Variants in ENTPD4 observed in about 807,000 individuals in gnomAD.
ENTPD4 encodes the protein Golgi UDPase.
In ENTPD4, 60 loss-of-function variants were observed where a neutral mutation model predicts 79.1. The observed-to-expected ratio is 0.76, with a 90% CI of 0.62 to 0.94. ENTPD4 has a LOEUF of 0.94. Among genes scored for constraint, ENTPD4 ranks in the 40% least tolerant of loss-of-function variants. ENTPD4 has a pLI of 0.00. For synonymous variants in ENTPD4, 276 were observed against 292.0 expected, an observed-to-expected ratio of 0.95 and a Z score of 0.56; for missense variants, 772 against 775.1, an observed-to-expected ratio of 1.00 and a Z score of 0.05.
chr8:23,434,620 G>A (rs1203923880), intron 11 of ENTPD4, 142 bp from the exon 12 acceptor site: 23 of 1,467,058 alleles, frequency 1.6e-5, no homozygotes, highest in East Asian at 5.0e-5. Context: ...AACCAACTGC[G>A]CGCGTTTCAA....
chr8:23,437,311 AG>A, intron 9 of ENTPD4, 53 bp from the exon 10 acceptor site: 1 of 1,396,416 alleles, frequency 7.2e-7, no homozygotes, highest in Non-Finnish European at 9.8e-7. Context: ...CTGTGTTTTC[AG>A]GAAGTGGCTG....
chr8:23,434,185 C>T, intron 12 of ENTPD4, 132 bp downstream of exon 12: 2 of 1,226,754 alleles, frequency 1.6e-6, no homozygotes, highest in Non-Finnish European at 2.3e-6. Context: ...GCAAACGTCA[C>T]TGTCCCTACA....
rs3115066 is a variant in ENTPD4, at chr8:23,431,625, G to A, written c.*1301C>T. 7.1e-6 allele frequency: 7 copies of A among 985,446 alleles called. No individual in the cohort carries two copies. Among genetic ancestry groups the A allele is most frequent in the Non-Finnish European group, 8.4e-6 (7 of 829,932 alleles). 61.0% of individuals were successfully genotyped at this position (985,446 alleles called of 1,614,324 possible). A position where few individuals can be genotyped will look rare whatever the true frequency, so the allele number is the denominator to read the frequency against. Reference sequence around the variant, plus strand: ...CAGCCTCAGTCAATGCGGTTAGGAAGAGGACTCGGCAGGCTGTGCATGGGG... The same window carrying A: ...CAGCCTCAGTCAATGCGGTTAGGAAAAGGACTCGGCAGGCTGTGCATGGGG... On this transcript the variant is annotated 3_prime_UTR_variant, in exon 13 of 13. Transcript: ENST00000358689.
chr8:23,429,506 C>A lies in ENTPD4; in HGVS notation c.*3420G>T, dbSNP rs1047871615. ...GTTTTGTTGCATTGCACACAACTGACCGCAGAGAATTCTAAAGCTGATTTT... is the reference window on the plus strand; with the variant it reads ...GTTTTGTTGCATTGCACACAACTGAACGCAGAGAATTCTAAAGCTGATTTT... On this transcript the variant is annotated 3_prime_UTR_variant, in exon 13 of 13. Coordinates refer to ENST00000358689, the MANE Select transcript of ENTPD4 (RefSeq NM_004901.5). 5.1e-6 allele frequency: 5 copies of A among 985,294 alleles called. No homozygotes were observed. Among genetic ancestry groups the A allele is most frequent in the African/African-American group, 3.5e-5 (2 of 57,242 alleles). 61.0% of individuals were successfully genotyped at this position (985,294 alleles called of 1,614,324 possible). A position where few individuals can be genotyped will look rare whatever the true frequency, so the allele number is the denominator to read the frequency against.
chr8:23,448,069 G>T (rs756739874), intron 3 of ENTPD4, among the ~76,000 whole-genome samples, 184 bp from the exon 4 acceptor site: 1 of 152,146 alleles, frequency 6.6e-6, no homozygotes, highest in African/African-American at 2.4e-5. Context: ...TGATGATAAA[G>T]ATCATCTAAA....
At chr8:23,442,587 G>A (rs1420545951) in intron 6 of ENTPD4, among the ~76,000 whole-genome samples, 1 of 152,036 alleles carries the variant, frequency 6.6e-6, no homozygotes, top group Admixed American at 6.5e-5. Context: ...GGAAGCTGAG[G>A]CAGGAGAATC....
intron 11 of ENTPD4, 123 bp downstream of exon 11, chr8:23,435,269 G>C: frequency 1.5e-6 from 1 of 663,250 alleles, no homozygotes; most frequent in African/African-American, 1.8e-5. Context: ...AGGGGCCCAG[G>C]GTAGATGGGA....
At chr8:23,450,134 C>T (rs1231435472) in intron 1 of ENTPD4, 137 bp from the exon 2 acceptor site, 2 of 575,738 alleles carry the variant, frequency 3.5e-6, no homozygotes, top group East Asian at 5.8e-5. Context: ...AGGGTTTATT[C>T]TGAGCAACAC....
Position 23,429,698 on chromosome 8 carries a change from A to G in ENTPD4, c.*3228T>C. 5 of 985,442 alleles carry G rather than the reference A, an allele frequency of 5.1e-6. No individual in the cohort carries two copies. The highest frequency in any genetic ancestry group is 6.0e-6 in the Non-Finnish European group (5 of 829,926). 61.0% of individuals were successfully genotyped at this position (985,442 alleles called of 1,614,324 possible). On this transcript the variant is annotated 3_prime_UTR_variant, in exon 13 of 13. Transcript: ENST00000358689. ...CACAGATGTGGAAAACTGGTGGTGA[A>G]AAGAGGGACCTACCCAGCCTTCAGG...
chr8:23,457,495 C>A (rs1378890556), intron 1 of ENTPD4, 62 bp downstream of exon 1: 1 of 151,136 alleles, frequency 6.6e-6, no homozygotes, highest in South Asian at 2.1e-4. Context: ...GCACTCCAAC[C>A]CACTCGCCGG....
chr8:23,431,790 G>T lies in ENTPD4; in HGVS notation c.*1136C>A, dbSNP rs777815617. 4.1e-6 allele frequency: 4 copies of T among 985,320 alleles called. No individual in the cohort carries two copies. Among genetic ancestry groups the T allele is most frequent in the Non-Finnish European group, 4.8e-6 (4 of 829,940 alleles). 61.0% of individuals were successfully genotyped at this position (985,320 alleles called of 1,614,324 possible). On this transcript the variant is annotated 3_prime_UTR_variant, in exon 13 of 13. Coordinates refer to ENST00000358689, the MANE Select transcript of ENTPD4 (RefSeq NM_004901.5). The stretch of plus-strand genomic sequence containing the variant: ...GAGCAAGAAGTGGGCATGTGCTCTA[G>T]TTCCAATAAAACCGAAACTGGTGAA...
At chr8:23,434,681 C>G in intron 11 of ENTPD4, 1 of 1,413,008 alleles carries the variant, frequency 7.1e-7, no homozygotes, top group Non-Finnish European at 9.2e-7. Context: ...GAGCAGTTCA[C>G]CTGTCAAATC....
Position 23,430,114 on chromosome 8 carries a change from A to G in ENTPD4, c.*2812T>C, listed in dbSNP as rs1251134386. On this transcript the variant is annotated 3_prime_UTR_variant, in exon 13 of 13. Coordinates refer to ENST00000358689, the MANE Select transcript of ENTPD4 (RefSeq NM_004901.5). ...CTCTTGGTATGAATTCTTCTCTTGA[A>G]TTAAGATCCTCCCTGGCTTGTCTCT... is the stretch of plus-strand genomic sequence containing the variant. 1.0e-5 allele frequency: 10 copies of G among 985,454 alleles called. No homozygotes were observed. In the South Asian group the frequency reaches 3.3e-4, roughly 32 times the overall value. 61.0% of individuals were successfully genotyped at this position (985,454 alleles called of 1,614,324 possible).
chr8:23,447,429 CAT>C (rs1250004213), intron 4 of ENTPD4, among the ~76,000 whole-genome samples: 2 of 152,100 alleles, frequency 1.3e-5, no homozygotes, highest in African/African-American at 4.8e-5. Context: ...GCGTAGATAC[CAT>C]GAGTAAGGCA....
rs577598134 is a variant in ENTPD4 at position 23,441,735 on chromosome 8, A to T, written c.728-12T>A. The T allele has an allele frequency of 6.2e-7, 1 of 1,613,462 alleles. No individual in the cohort carries two copies. The highest frequency in any genetic ancestry group is 8.5e-7 in the Non-Finnish European group (1 of 1,179,806). ...AACGGCCTCATCATCTAGAAAGAAC[A>T]GAAAGTGTTCACTGGAACAGAACTA... On this transcript the variant is annotated splice_polypyrimidine_tract_variant and intron_variant, in intron 7 of 12. Transcript: ENST00000358689.
At position 23,437,176 on chromosome 8, in the gene ENTPD4, G is replaced by A; in HGVS notation, c.1132C>T (p.Gln378Ter). The A allele has an allele frequency of 2.5e-6, 4 of 1,614,154 alleles. No individual in the cohort carries two copies. The highest frequency in any genetic ancestry group is 3.4e-6 in the Non-Finnish European group (4 of 1,179,996). The change falls in exon 10 of 13, where the codon CAG becomes TAG. Residue 378 changes from glutamine to a stop codon, truncating the protein, a stop_gained. Transcript: ENST00000358689. LOFTEE classifies it high-confidence loss of function. ...CLPLDIKDEI[Q>*]QNGQTIYLRG... is the part of the protein sequence containing the mutation. Reference sequence around the variant, plus strand: ...AGGTATATGGTTTGTCCATTTTGCTGGATTTCATCTTTAATGTCTAGGGGT... The same window carrying A: ...AGGTATATGGTTTGTCCATTTTGCTAGATTTCATCTTTAATGTCTAGGGGT...
chr8:23,439,344 C>T (rs1218697090), intron 9 of ENTPD4, among the ~76,000 whole-genome samples: 1 of 152,212 alleles, frequency 6.6e-6, no homozygotes, highest in African/African-American at 2.4e-5. Context: ...CAGAACATCA[C>T]ATATTTCAAT....
At position 23,434,315 on chromosome 8, in the gene ENTPD4, A is replaced by G. The variant is rs767256674; in HGVS notation, c.1622+2T>C. ...TTCTCGTTCCCAAATTCACAGCCCTACCTTAATGGTAGAAAGCGGGTCCTG... is the reference window on the plus strand; with the variant it reads ...TTCTCGTTCCCAAATTCACAGCCCTGCCTTAATGGTAGAAAGCGGGTCCTG... On this transcript the variant is annotated splice_donor_variant, in intron 12 of 12. Coordinates refer to ENST00000358689, the MANE Select transcript of ENTPD4 (RefSeq NM_004901.5). LOFTEE classifies it high-confidence loss of function. 14 of 1,613,716 alleles carry G rather than the reference A, an allele frequency of 8.7e-6. No individual in the cohort carries two copies. Among genetic ancestry groups the G allele is most frequent in the Admixed American group, 3.3e-5 (2 of 59,956 alleles).
Position 23,448,813 on chromosome 8 carries a change from T to A in ENTPD4, c.135A>T (p.Ser45=), listed in dbSNP as rs752501290. Residue 45 remains serine (S), a synonymous_variant, in exon 3 of 13, where the codon TCA becomes TCT. Transcript: ENST00000358689. ...TTATGACAACAGAAAAATATAAAAGTGAAACAGCAGCAGCCAGGACACTAA... is the reference window on the plus strand; with the variant it reads ...TTATGACAACAGAAAAATATAAAAGAGAAACAGCAGCAGCCAGGACACTAA... ...MVISVLAAAV[S]LLYFSVVIIR... 6.2e-7 allele frequency: 1 copy of A among 1,613,964 alleles called. No homozygotes were observed. The highest frequency in any genetic ancestry group is 1.6e-4 in the Middle Eastern group (1 of 6,062).
Sources: allele counts gnomAD v4.1 joint callset (sites outside exome capture counted in the v4.1 genomes callset), GRCh38; gene constraint gnomAD v4.1.1; transcripts MANE v1.5; gene names NCBI Gene and HGNC (gene_info 2026-07-23, HGNC 2026-07-21).